Variants in DIAPH2 observed in about 807,000 individuals in gnomAD.
DIAPH2 encodes the protein protein diaphanous homolog 2.
DIAPH2 carries 35 observed loss-of-function variants against 92.7 expected under a neutral mutation model. The observed-to-expected ratio is 0.38, with a 90% CI of 0.29 to 0.50. The LOEUF is 0.50. DIAPH2 is among the 20% of genes least tolerant of loss of function. The pLI, the probability that DIAPH2 is intolerant of heterozygous loss-of-function variation, is 0.94. For synonymous variants in DIAPH2, 301 were observed against 280.4 expected (o/e 1.07, Z -0.73); for missense variants, 701 against 819.5 (o/e 0.86, Z 1.77).
At chrX:96,961,799 G>A (rs115189936) in intron 16 of DIAPH2, among the ~76,000 whole-genome samples, 3,784 of 109,594 alleles carry the variant, frequency 0.035, 166 homozygotes, top group African/African-American at 0.12. Context: ...TCAGGAGCAT[G>A]TTCTTTAAGT....
At chrX:96,780,002 C>T (rs1184404754) in intron 4 of DIAPH2, among the ~76,000 whole-genome samples, 1 of 111,492 alleles carries the variant, frequency 9.0e-6, no homozygotes, top group Non-Finnish European at 1.9e-5. Flanking sequence ...TTGTGTACAC[C>T]CCAGAATGTA....
intron 4 of DIAPH2, among the ~76,000 whole-genome samples, chrX:96,840,683 ACTGCAAGCT>A (rs1452959969): frequency 9.1e-6 from 1 of 110,416 alleles, no homozygotes; most frequent in Non-Finnish European, 1.9e-5. Context: ...ATCTCGGCTC[ACTGCAAGCT>A]CTGCCTCCTG....
intron 24 of DIAPH2, among the ~76,000 whole-genome samples, chrX:97,369,552 G>C (rs1490477541): frequency 9.4e-6 from 1 of 106,193 alleles, no homozygotes; most frequent in Non-Finnish European, 1.9e-5. Flanking sequence ...TTTTTTGTTT[G>C]TGTTGCTCGG....
chrX:97,008,022 A>G (rs548736739), intron 17 of DIAPH2, among the ~76,000 whole-genome samples: 1 of 102,056 alleles, frequency 9.8e-6, no homozygotes, highest in African/African-American at 3.6e-5. Context: ...TTGGCCTCCC[A>G]AAGTGCTGGG....
chrX:97,120,365 TC>T (rs1485644209), intron 21 of DIAPH2, among the ~76,000 whole-genome samples: 2 of 110,740 alleles, frequency 1.8e-5, no homozygotes, highest in Admixed American at 9.7e-5. Flanking sequence ...CTTTCCCACT[TC>T]GCAATTTGGG....
chrX:97,009,915 A>G (rs756340441), intron 17 of DIAPH2, among the ~76,000 whole-genome samples: 1 of 111,584 alleles, frequency 9.0e-6, no homozygotes, highest in African/African-American at 3.3e-5. Context: ...GGGGGCTGAC[A>G]CAAGCACTCC....
intron 22 of DIAPH2, among the ~76,000 whole-genome samples, chrX:97,178,441 C>CT (rs1569321100): frequency 4.5e-5 from 4 of 88,965 alleles, no homozygotes; most frequent in African/African-American, 1.9e-4. Flanking sequence ...GCCTATATTT[C>CT]TCTTTTTTTT....
rs759731902 is a variant in DIAPH2, at chrX:97,350,365, G to A, written c.3009+2085G>A. On this transcript the variant is annotated intron_variant, in intron 24 of 26. Coordinates refer to ENST00000324765, the MANE Select transcript of DIAPH2 (RefSeq NM_006729.5). ...GATTAATATTGTTGATCTCCATTTA[G>A]ATCCTAAAACACTGTCTGTCTTATT... Among the ~76,000 whole-genome samples, 15 of 110,822 alleles carry A rather than the reference G, an allele frequency of 1.4e-4. No individual in the cohort carries two copies. The South Asian group carries it at 5.9e-3, about 43-fold the overall frequency.
chrX:97,254,077 G>A (rs772429164), intron 23 of DIAPH2, among the ~76,000 whole-genome samples: 1 of 111,930 alleles, frequency 8.9e-6, no homozygotes, highest in East Asian at 2.8e-4. Flanking sequence ...AAGAGTGGAG[G>A]ATGAGGAATT....
At chrX:97,055,096 AT>A (rs374701146) in intron 17 of DIAPH2, among the ~76,000 whole-genome samples, 32,448 of 96,878 alleles carry the variant, frequency 0.33, 4,428 homozygotes, top group South Asian at 0.5. Flanking sequence ...GGCTAGTTTA[AT>A]TTTTTTTTTT....
At chrX:97,573,193 C>T (rs2071380583) in intron 26 of DIAPH2, among the ~76,000 whole-genome samples, 1 of 111,184 alleles carries the variant, frequency 9.0e-6, no homozygotes, top group African/African-American at 3.3e-5. Context: ...ATTCAGATAC[C>T]AAATCTAATA....
rs2066518129 is a variant in DIAPH2 at position 97,051,249 on chromosome X, G to A, written c.2051-21692G>A. Among the ~76,000 whole-genome samples the A allele has an allele frequency of 3.6e-5, 4 of 110,950 alleles. No homozygotes were observed. The South Asian group carries it at 1.5e-3, about 42-fold the overall frequency. On this transcript the variant is annotated intron_variant, in intron 17 of 26. Coordinates refer to ENST00000324765, the MANE Select transcript of DIAPH2 (RefSeq NM_006729.5). ...ATAATACAGGGAGGGTAGAAATTCAGCAGAGACATTCATTTATTTTCTTTT... is the reference window on the plus strand; with the variant it reads ...ATAATACAGGGAGGGTAGAAATTCAACAGAGACATTCATTTATTTTCTTTT...
At chrX:97,290,651 A>G (rs1320920227) in intron 23 of DIAPH2, among the ~76,000 whole-genome samples, 1 of 112,551 alleles carries the variant, frequency 8.9e-6, no homozygotes, top group African/African-American at 3.2e-5. Flanking sequence ...GTTTAATTAT[A>G]TCCTGAGGGT....
chrX:96,969,323 A>G (rs976779719), intron 17 of DIAPH2, among the ~76,000 whole-genome samples: 1 of 111,440 alleles, frequency 9.0e-6, no homozygotes, highest in African/African-American at 3.3e-5. Flanking sequence ...TTTGGGCAGT[A>G]TGACCTTTTT....
intron 23 of DIAPH2, among the ~76,000 whole-genome samples, chrX:97,292,108 T>G (rs1288308975): frequency 9.7e-6 from 1 of 103,037 alleles, no homozygotes; most frequent in African/African-American, 3.6e-5. Context: ...AGTCTTGCTC[T>G]GTCACCCAGG....
At chrX:97,536,424 C>T (rs2071096239) in intron 26 of DIAPH2, among the ~76,000 whole-genome samples, 1 of 112,121 alleles carries the variant, frequency 8.9e-6, no homozygotes, top group Non-Finnish European at 1.9e-5. Context: ...TTATTCTGAT[C>T]TTAACACATT....
chrX:97,516,781 G>A (rs1185420934), intron 26 of DIAPH2, among the ~76,000 whole-genome samples: 2 of 112,046 alleles, frequency 1.8e-5, no homozygotes, highest in Non-Finnish European at 3.8e-5. Context: ...GAGGGCAGTG[G>A]TGCAGTCATG....
At chrX:96,863,706 C>T (rs2065086517) in intron 4 of DIAPH2, among the ~76,000 whole-genome samples, 1 of 110,413 alleles carries the variant, frequency 9.1e-6, no homozygotes, top group South Asian at 3.8e-4. Flanking sequence ...TAATTCTGTA[C>T]CTAGAGTTTT....
At chrX:97,392,234 G>C (rs947220096) in intron 25 of DIAPH2, among the ~76,000 whole-genome samples, 2 of 111,431 alleles carry the variant, frequency 1.8e-5, no homozygotes, top group East Asian at 5.6e-4. Flanking sequence ...TAGTTTTAGT[G>C]AAGATTAAGT....
Sources: gnomAD v4.1 joint callset for allele counts (sites outside exome capture counted in the v4.1 genomes callset) on GRCh38, gnomAD v4.1.1 for gene constraint, MANE v1.5 for transcripts, NCBI Gene and HGNC (gene_info 2026-07-23, HGNC 2026-07-21) for gene names.